Variants in LMO7 observed in about 807,000 individuals in gnomAD.
The protein encoded by LMO7 is LIM domain only protein 7.
In LMO7, 120 loss-of-function variants were observed where a neutral mutation model predicts 206.5. The ratio of observed to expected loss-of-function variants is 0.58; its 90% CI spans 0.50 to 0.68. LMO7 has a LOEUF of 0.68. Among genes scored for constraint, LMO7 ranks in the 30% least tolerant of loss-of-function variants. The probability of loss-of-function intolerance (pLI) is 0.00; values close to 1 mark genes in which losing one functional copy is unlikely to be tolerated. For synonymous variants in LMO7, 706 were observed against 681.5 expected (o/e 1.04, Z -0.56); for missense variants, 1,959 against 1,957.9 (o/e 1.00, Z -0.01).
chr13:75,680,555 A>C (rs920779517), intron 1 of LMO7, among the ~76,000 whole-genome samples: 1 of 149,186 alleles, frequency 6.7e-6, no homozygotes, highest in Non-Finnish European at 1.5e-5. Flanking sequence ...CCTTGACAGC[A>C]TCTGTTGTTT....
At chr13:75,846,843 C>A (rs1345941364) in intron 26 of LMO7, among the ~76,000 whole-genome samples, 1 of 152,022 alleles carries the variant, frequency 6.6e-6, no homozygotes, top group African/African-American at 2.4e-5. Context: ...CCAGCCTGAC[C>A]AACATAGTGA....
chr13:75,819,539 A>G lies in LMO7; in HGVS notation c.2207+4A>G, dbSNP rs551847570. ...TTAAGGAAATGCTGCAGGACAGGTA[A>G]TAATGCTGAATGCACCTCGGTTGTA... On this transcript the variant is annotated splice_donor_region_variant and intron_variant, in intron 13 of 30. Coordinates refer to ENST00000377534, the MANE Select transcript of LMO7 (RefSeq NM_001306080.2). 1.6e-5 allele frequency: 25 copies of G among 1,574,348 alleles called. No individual in the cohort carries two copies. In the African/African-American group the frequency reaches 3.2e-4, roughly 20 times the overall value.
At chr13:75,840,354 G>A (rs1191958396) in intron 21 of LMO7, 37 bp from the exon 22 acceptor site, 3 of 1,610,520 alleles carry the variant, frequency 1.9e-6, no homozygotes, top group African/African-American at 2.7e-5. Context: ...AAGTTATGTT[G>A]TTCTCTATTT....
intron 2 of LMO7, among the ~76,000 whole-genome samples, chr13:75,723,719 A>G (rs2044226877): frequency 6.6e-6 from 1 of 152,120 alleles, no homozygotes; most frequent in South Asian, 2.1e-4. Flanking sequence ...TCATTGTGCA[A>G]CTCCTTTGAA....
At chr13:75,693,122 G>C (rs1012611332) in intron 1 of LMO7, among the ~76,000 whole-genome samples, 1 of 152,178 alleles carries the variant, frequency 6.6e-6, no homozygotes, top group Non-Finnish European at 1.5e-5. Context: ...TGTATGGGTA[G>C]CTGTATTATC....
intron 27 of LMO7, among the ~76,000 whole-genome samples, chr13:75,849,721 A>G (rs565834661): frequency 6.6e-6 from 1 of 152,300 alleles, no homozygotes; most frequent in East Asian, 1.9e-4. Context: ...TGGAATCTTG[A>G]TAATTGGATT....
intron 4 of LMO7, among the ~76,000 whole-genome samples, chr13:75,780,386 TGAGAAA>T (rs1316538415): frequency 6.6e-6 from 1 of 152,184 alleles, no homozygotes; most frequent in Non-Finnish European, 1.5e-5. Context: ...TGTTCCTTGC[TGAGAAA>T]AAGAATTCAG....
At chr13:75,679,769 A>T (rs899189569) in intron 1 of LMO7, among the ~76,000 whole-genome samples, 14 of 152,162 alleles carry the variant, frequency 9.2e-5, no homozygotes, top group African/African-American at 3.4e-4. Context: ...TTTTGTAGAA[A>T]TGCAGTTTGC....
chr13:75,636,087 C>T (rs1159715355), upstream of LMO7: 1 of 161,870 alleles, frequency 6.2e-6, no homozygotes, highest in Non-Finnish European at 1.3e-5. Flanking sequence ...GGCGCATCCT[C>T]TCGGGGCGGA....
rs1407809164 is a variant in LMO7 at position 75,835,374 on chromosome 13, G to C, written c.3333+35G>C. On this transcript the variant is annotated intron_variant, in intron 18 of 30. Coordinates refer to ENST00000377534, the MANE Select transcript of LMO7 (RefSeq NM_001306080.2). ...TGGAGAAGTAGGAAGTACTGGTGTG[G>C]AGTAAAGCAGCTGTTAGAATTGTGT... 7 of 1,357,226 alleles carry C rather than the reference G, an allele frequency of 5.2e-6. No individual in the cohort carries two copies. In the East Asian group the frequency reaches 1.8e-4, roughly 34 times the overall value. 84.1% of individuals were successfully genotyped at this position (1,357,226 alleles called of 1,614,324 possible).
At chr13:75,632,862 G>GTTTTTTTTTTTTTTTTTTTTTTTTTTTTT (rs10690832), upstream of LMO7, among the ~76,000 whole-genome samples, 211 of 102,138 alleles carry the variant, frequency 2.1e-3, 32 homozygotes, top group South Asian at 3.7e-3. Context: ...TTACTTAAAA[G>GTTTTTTTTTTTTTTTTTTTTTTTTTTTTT]TTTTTTTTTT....
intron 2 of LMO7, among the ~76,000 whole-genome samples, chr13:75,725,944 TAA>T (rs2044432019): frequency 1.3e-5 from 2 of 151,926 alleles, no homozygotes; most frequent in Admixed American, 6.6e-5. Context: ...TGTGTATATA[TAA>T]GTCTTTGGAA....
chr13:75,732,939 A>G (rs992967599), intron 3 of LMO7, among the ~76,000 whole-genome samples: 4 of 152,046 alleles, frequency 2.6e-5, no homozygotes, highest in Non-Finnish European at 5.9e-5. Flanking sequence ...AGAACAGCTG[A>G]TTTTCGTGAA....
chr13:75,684,674 C>T (rs766310351), intron 1 of LMO7, among the ~76,000 whole-genome samples: 89 of 151,346 alleles, frequency 5.9e-4, no homozygotes, highest in Non-Finnish European at 1.2e-3. Context: ...GGGGAGGCTT[C>T]GAAATCCTGT....
chr13:75,636,497 C>A lies in LMO7; in HGVS notation c.-161C>A. 2 of 1,477,140 alleles carry A rather than the reference C, an allele frequency of 1.4e-6. No homozygotes were observed. The highest frequency in any genetic ancestry group is 2.7e-5 in the South Asian group (2 of 73,520). The allele number at this position is 1,477,140 out of a possible 1,614,324, so 91.5% of individuals were successfully genotyped here. A position where few individuals can be genotyped will look rare whatever the true frequency, so the allele number is the denominator to read the frequency against. On this transcript the variant is annotated 5_prime_UTR_variant, in exon 1 of 31. Transcript: ENST00000377534. ...TTCGAGACCTTAACGAACTGCAGAGCGCAACAAAGGGAACTAGAGCCCCGG... is the reference window on the plus strand; with the variant it reads ...TTCGAGACCTTAACGAACTGCAGAGAGCAACAAAGGGAACTAGAGCCCCGG...
chr13:75,805,229 G>T (rs1471123815), intron 8 of LMO7: 1 of 1,176,434 alleles, frequency 8.5e-7, no homozygotes, highest in Non-Finnish European at 1.1e-6. Context: ...CAAATTGTTT[G>T]TTATGTGCCT....
intron 4 of LMO7, among the ~76,000 whole-genome samples, chr13:75,765,725 G>A (rs1374530389): frequency 1.3e-5 from 2 of 152,126 alleles, no homozygotes; most frequent in Non-Finnish European, 2.9e-5. Context: ...TGGGATATGA[G>A]GCAGGTCTGA....
At chr13:75,721,089 T>G (rs1160435207) in intron 2 of LMO7, among the ~76,000 whole-genome samples, 2 of 152,194 alleles carry the variant, frequency 1.3e-5, no homozygotes, top group Non-Finnish European at 2.9e-5. Flanking sequence ...TATCTGATAG[T>G]TTACTCTTTT....
chr13:75,691,215 G>A (rs1192043362), intron 1 of LMO7, among the ~76,000 whole-genome samples: 2 of 152,134 alleles, frequency 1.3e-5, no homozygotes, highest in African/African-American at 4.8e-5. Context: ...TTTGCTTCAG[G>A]TAAGGTGAAT....
Sources: allele counts gnomAD v4.1 joint callset (sites outside exome capture counted in the v4.1 genomes callset), GRCh38; gene constraint gnomAD v4.1.1; transcripts MANE v1.5; gene names NCBI Gene and HGNC (gene_info 2026-07-23, HGNC 2026-07-21).